Variants in SHANK1 observed in about 807,000 individuals in gnomAD.
SHANK1 encodes the protein SH3 and multiple ankyrin repeat domains protein 1.
In SHANK1, 35 loss-of-function variants were observed where a neutral mutation model predicts 165.6. The observed-to-expected ratio is 0.21, with a 90% CI of 0.16 to 0.28. SHANK1 has a LOEUF of 0.28. Among genes scored for constraint, SHANK1 ranks in the 10% least tolerant of loss-of-function variants. SHANK1 has a pLI of 1.00. For synonymous variants in SHANK1, 1,428 were observed against 1,384.8 expected, an observed-to-expected ratio of 1.03 and a Z score of -0.69; for missense variants, 2,681 against 3,036.4, an observed-to-expected ratio of 0.88 and a Z score of 2.75.
intron 18 of SHANK1, 47 bp downstream of exon 18, chr19:50,687,876 T>C (rs1319455522): frequency 6.2e-7 from 1 of 1,611,628 alleles, no homozygotes; most frequent in Non-Finnish European, 8.5e-7. Context: ...CCCGCAGGGC[T>C]GAGCCTGGTG....
chr19:50,679,873 A>G (rs1421364095), intron 21 of SHANK1, among the ~76,000 whole-genome samples: 1 of 151,372 alleles, frequency 6.6e-6, no homozygotes, highest in Non-Finnish European at 1.5e-5. Flanking sequence ...CAGACAGACA[A>G]AGGCAAAGAT....
intron 23 of SHANK1, among the ~76,000 whole-genome samples, chr19:50,664,357 C>G (rs1382006166): frequency 6.6e-6 from 1 of 152,198 alleles, no homozygotes; most frequent in African/African-American, 2.4e-5. Context: ...GGCTCGAATT[C>G]TGCGACGATG....
At chr19:50,689,308 G>A (rs762532113) in intron 15 of SHANK1, 29 bp from the exon 16 acceptor site, 9 of 1,459,558 alleles carry the variant, frequency 6.2e-6, no homozygotes, top group Admixed American at 3.3e-5. Context: ...AAATGGGGGG[G>A]TGGTGGGGGG....
chr19:50,709,556 A>ATT (rs925773723), intron 8 of SHANK1, among the ~76,000 whole-genome samples: 1 of 145,944 alleles, frequency 6.9e-6, no homozygotes. Context: ...TCTAATTCTA[A>ATT]TTTTTTTTTT....
intron 21 of SHANK1, among the ~76,000 whole-genome samples, chr19:50,685,654 G>A (rs1285791655): frequency 6.6e-6 from 1 of 152,278 alleles, no homozygotes; most frequent in Non-Finnish European, 1.5e-5. Context: ...AACCCGGGGG[G>A]CAGAGGTTGC....
At chr19:50,683,205 C>T (rs186667311) in intron 21 of SHANK1, among the ~76,000 whole-genome samples, 3 of 152,244 alleles carry the variant, frequency 2.0e-5, no homozygotes, top group Non-Finnish European at 4.4e-5. Context: ...CCCCAGAGGA[C>T]GTTGGGCAGT....
Position 50,672,084 on chromosome 19 carries a change from G to A in SHANK1, c.2608C>T (p.Pro870Ser). ...SSFDPHHRAQ[P>S]SYERPSFLPP... ...AGGAAAGAAGGACGCTCGTAACTTGGCTGGGCACGGTGGTGGGGATCGAAG... is the reference window on the plus strand; with the variant it reads ...AGGAAAGAAGGACGCTCGTAACTTGACTGGGCACGGTGGTGGGGATCGAAG... Residue 870 changes from proline (P) to serine (S), a missense_variant, in exon 22 of 24, where the codon CCA becomes TCA. Pro to Ser is a moderately conservative substitution (Grantham distance 74). This residue lies in a region of SHANK1 where 206 missense variants were observed against 216.0 expected (regional missense o/e 0.95). Coordinates refer to ENST00000293441, the MANE Select transcript of SHANK1 (RefSeq NM_016148.5). 6.2e-7 allele frequency: 1 copy of A among 1,613,940 alleles called. No individual in the cohort carries two copies. Among genetic ancestry groups the A allele is most frequent in the Non-Finnish European group, 8.5e-7 (1 of 1,179,960 alleles).
intron 15 of SHANK1, among the ~76,000 whole-genome samples, chr19:50,693,771 C>T (rs1986623573): frequency 6.6e-6 from 1 of 152,118 alleles, no homozygotes; most frequent in Admixed American, 6.5e-5. Context: ...ATGCGGCTCC[C>T]CATGCAGCTC....
chr19:50,700,556 G>A (rs995983078), intron 12 of SHANK1, among the ~76,000 whole-genome samples: 1 of 152,002 alleles, frequency 6.6e-6, no homozygotes, highest in African/African-American at 2.4e-5. Context: ...GAAGACTCTG[G>A]GCTGTGATTC....
chr19:50,668,403 T>C lies in SHANK1; in HGVS notation c.3557A>G (p.Glu1186Gly), dbSNP rs755773807. Residue 1186 changes from glutamate (E) to glycine (G), a missense_variant, in exon 23 of 24, where the codon GAG becomes GGG. By Grantham distance (98) the Glu-to-Gly change is moderately conservative. Transcript: ENST00000293441. ...GCCGCCGCCGCCGCCTCCCGTGGGC[T>C]CCGGCTGGGTGGGGGGCTCCGCCTC... The part of the protein sequence containing the change: ...STEAEPPTQP[E>G]PTGGGGGGGS... The C allele has an allele frequency of 1.5e-5, 20 of 1,317,018 alleles. No individual in the cohort carries two copies. In the East Asian group the frequency reaches 4.9e-4, roughly 32 times the overall value. The allele number at this position is 1,317,018 out of a possible 1,614,324, so 81.6% of individuals were successfully genotyped here.
rs1229927726 is a variant in SHANK1, at chr19:50,711,455, C to T, written c.993G>A (p.Glu331=). 1.9e-6 allele frequency: 3 copies of T among 1,569,952 alleles called. No individual in the cohort carries two copies. In the East Asian group the frequency reaches 7.1e-5, roughly 37 times the overall value. Residue 331 remains glutamate (E), a synonymous_variant, in exon 8 of 24, where the codon GAG becomes GAA. Transcript: ENST00000293441. ...ACQRGHSQHL[E]HLLFYGAEPG... is the part of the protein sequence containing the mutation. ...GCTCAGCCCCGTAGAAAAGCAGATGCTCCAGGTGCTGAGAGTGACCCCGCT... is the reference window on the plus strand; with the variant it reads ...GCTCAGCCCCGTAGAAAAGCAGATGTTCCAGGTGCTGAGAGTGACCCCGCT...
intron 21 of SHANK1, among the ~76,000 whole-genome samples, chr19:50,677,950 C>T (rs191564490): frequency 3.2e-4 from 49 of 152,292 alleles, no homozygotes; most frequent in Non-Finnish European, 5.0e-4. Flanking sequence ...CTTTCTGTCC[C>T]GTCCTGCAGC....
In SHANK1 at chr19:50,686,656, G is replaced by T; in HGVS notation, c.2458+88C>A. ...CCTCTCTGGGGCAGGAAGGTGAGGG[G>T]CGCCGTGGGGTTCATGGTGGGACAG... On this transcript the variant is annotated intron_variant, in intron 20 of 23. Transcript: ENST00000293441. This position sits in a 1 kb window ranked among gnomAD's most constrained non-coding sequence, Gnocchi z 5.7. The T allele has an allele frequency of 2.4e-6, 3 of 1,271,244 alleles. No homozygotes were observed. Among genetic ancestry groups the T allele is most frequent in the East Asian group, 2.4e-5 (1 of 41,690 alleles). 78.7% of individuals were successfully genotyped at this position (1,271,244 alleles called of 1,614,324 possible).
chr19:50,666,230 G>A lies in SHANK1; in HGVS notation c.5730C>T (p.Ser1910=), dbSNP rs778191544. 5 of 1,607,970 alleles carry A rather than the reference G, an allele frequency of 3.1e-6. No homozygotes were observed. The highest frequency in any genetic ancestry group is 4.2e-6 in the Non-Finnish European group (5 of 1,177,900). Reference sequence around the variant, plus strand: ...GGGAGGAGGTCCTCTCGGGGACATAGCTGGCTCCCCCGTGGTGGCTGTCTC... The same window carrying A: ...GGGAGGAGGTCCTCTCGGGGACATAACTGGCTCCCCCGTGGTGGCTGTCTC... ...GGGDSHHGGA[S]YVPERTSSLQ... The change falls in exon 23 of 24, where the codon AGC becomes AGT. Residue 1910 remains serine (S), a synonymous_variant. Coordinates refer to ENST00000293441, the MANE Select transcript of SHANK1 (RefSeq NM_016148.5).
chr19:50,701,824 T>G (rs975090316), intron 12 of SHANK1, among the ~76,000 whole-genome samples: 3 of 152,192 alleles, frequency 2.0e-5, no homozygotes, highest in Admixed American at 1.3e-4. Context: ...TCAGCAGCCC[T>G]GCAAAGCCTA....
Position 50,686,627 on chromosome 19 carries a change from G to A in SHANK1, c.2458+117C>T. ...GGGCGGAGGGAGGGGAGGTGGGATC[G>A]CAGCCTCTCTGGGGCAGGAAGGTGA... On this transcript the variant is annotated intron_variant, in intron 20 of 23. Transcript: ENST00000293441. This position sits in a 1 kb window ranked among gnomAD's most constrained non-coding sequence, Gnocchi z 5.7. 1.0e-6 allele frequency: 1 copy of A among 976,776 alleles called. No individual in the cohort carries two copies. Among genetic ancestry groups the A allele is most frequent in the Non-Finnish European group, 1.5e-6 (1 of 651,706 alleles). 60.5% of individuals were successfully genotyped at this position (976,776 alleles called of 1,614,324 possible). A position where few individuals can be genotyped will look rare whatever the true frequency, so the allele number is the denominator to read the frequency against.
rs398034977 is a variant in SHANK1, at chr19:50,694,019, CCACACACA to C, written c.1964+3069_1964+3076del. ...TGGGACAGACCCACTCCAGCACACA[CCACACACA>C]CACACACACACACACACACACACAC... is the stretch of plus-strand genomic sequence containing the variant. On this transcript the variant is annotated intron_variant, in intron 15 of 23. Coordinates refer to ENST00000293441, the MANE Select transcript of SHANK1 (RefSeq NM_016148.5). Among the ~76,000 whole-genome samples, 1,346 of 138,650 alleles carry C rather than the reference CCACACACA, an allele frequency of 9.7e-3. 10 individuals carry two copies. The highest frequency in any genetic ancestry group is 0.019 in the African/African-American group (714 of 36,720). 91.0% of individuals were successfully genotyped at this position (138,650 alleles called of 152,430 possible).
Position 50,703,688 on chromosome 19 carries a change from C to T in SHANK1, c.1365G>A (p.Gly455=), listed in dbSNP as rs758436620. 1.4e-6 allele frequency: 2 copies of T among 1,468,302 alleles called. No homozygotes were observed. Among genetic ancestry groups the T allele is most frequent in the Non-Finnish European group, 1.8e-6 (2 of 1,112,152 alleles). 91.0% of individuals were successfully genotyped at this position (1,468,302 alleles called of 1,614,324 possible). ...LPDWMVFSAP[G]AASSGAPGPT... is the part of the protein sequence containing the mutation. Reference sequence around the variant, plus strand: ...GGCCAGGGGCCCCAGAGGACGCGGCCCCCGGGGCGGAGAACACCATCCAGT... The same window carrying T: ...GGCCAGGGGCCCCAGAGGACGCGGCTCCCGGGGCGGAGAACACCATCCAGT... Residue 455 remains glycine (G), a synonymous_variant, in exon 11 of 24, where the codon GGG becomes GGA. Transcript: ENST00000293441.
Position 50,662,267 on chromosome 19 carries a change from A to C in SHANK1, c.6184T>G (p.Ser2062Ala). 5 of 1,611,374 alleles carry C rather than the reference A, an allele frequency of 3.1e-6. No homozygotes were observed. Among genetic ancestry groups the C allele is most frequent in the Non-Finnish European group, 4.2e-6 (5 of 1,178,190 alleles). ...PVFVPPHPGISGGLGGALSGA... is the reference protein window; with the variant it reads ...PVFVPPHPGIAGGLGGALSGA... The stretch of plus-strand genomic sequence containing the variant: ...GACAAGGCTCCCCCGAGCCCCCCGG[A>C]TATCCCCGGGTGTGGCGGCACAAAG... The change falls in exon 24 of 24, where the codon TCC (serine) becomes GCC (alanine). Residue 2062 changes from serine (S) to alanine (A), a missense_variant. Coordinates refer to ENST00000293441, the MANE Select transcript of SHANK1 (RefSeq NM_016148.5). This position sits in a 1 kb window ranked among gnomAD's most constrained non-coding sequence, Gnocchi z 7.7.
Sources: allele counts gnomAD v4.1 joint callset (sites outside exome capture counted in the v4.1 genomes callset), GRCh38; gene constraint gnomAD v4.1.1; regional missense constraint gnomAD v4.1.1; non-coding constraint Gnocchi (gnomAD v3.1); transcripts MANE v1.5; gene names NCBI Gene and HGNC (gene_info 2026-07-23, HGNC 2026-07-21).